The following ZNF704 variants were observed in gnomAD, a reference collection of about 807,000 sequenced individuals.
The protein encoded by ZNF704 is glucocorticoid induced gene 1.
A neutral mutation model predicts 44.7 loss-of-function variants in ZNF704; 10 were observed. The observed-to-expected ratio is 0.22, with a 90% CI of 0.14 to 0.38. The LOEUF (loss-of-function observed/expected upper bound fraction) is 0.38. Ranked by LOEUF, ZNF704 falls within the 10% of genes least tolerant of loss-of-function variation. ZNF704 has a pLI of 1.00. For missense variants in ZNF704, 390 were observed against 545.5 expected (o/e 0.71, Z 2.84); for synonymous variants, 211 against 207.6 (o/e 1.02, Z -0.14).
intron 2 of ZNF704, among the ~76,000 whole-genome samples, chr8:80,807,592 T>C (rs192857237): frequency 1.3e-3 from 198 of 152,260 alleles, no homozygotes; most frequent in African/African-American, 4.6e-3. Context: ...GTTCAATATA[T>C]GCGCTCGTTT....
At chr8:80,742,244 C>G (rs993284798) in intron 2 of ZNF704, among the ~76,000 whole-genome samples, 1 of 152,172 alleles carries the variant, frequency 6.6e-6, no homozygotes, top group Admixed American at 6.5e-5. Flanking sequence ...TAGAAGGACC[C>G]CTCTTATGGG....
At chr8:80,740,460 A>AT (rs1806738257) in intron 2 of ZNF704, among the ~76,000 whole-genome samples, 2 of 152,118 alleles carry the variant, frequency 1.3e-5, no homozygotes, top group African/African-American at 4.8e-5. Context: ...GACTCCAAAA[A>AT]ATTGTTAAGG....
At chr8:80,872,487 G>A (rs1809269780) in intron 1 of ZNF704, among the ~76,000 whole-genome samples, 1 of 152,114 alleles carries the variant, frequency 6.6e-6, no homozygotes, top group African/African-American at 2.4e-5. Flanking sequence ...AAGCTCAGCT[G>A]TTCATGAGTT....
At chr8:80,684,875 C>A (rs1818509796) in intron 4 of ZNF704, among the ~76,000 whole-genome samples, 1 of 152,116 alleles carries the variant, frequency 6.6e-6, no homozygotes, top group Non-Finnish European at 1.5e-5. Flanking sequence ...ATAGCATCAG[C>A]CTCACCTTCT....
chr8:80,654,857 G>T (rs1032428314), intron 7 of ZNF704, among the ~76,000 whole-genome samples: 43 of 152,200 alleles, frequency 2.8e-4, no homozygotes, highest in African/African-American at 9.2e-4. Context: ...ACCCAAAGGA[G>T]TATAAATCAT....
chr8:80,838,812 G>A (rs2129955586), intron 1 of ZNF704, among the ~76,000 whole-genome samples: 1 of 150,946 alleles, frequency 6.6e-6, no homozygotes, highest in South Asian at 2.1e-4. Flanking sequence ...GGAGGAGAAA[G>A]GGGAAAGGAA....
chr8:80,657,954 T>C (rs555338038), intron 7 of ZNF704, among the ~76,000 whole-genome samples: 1 of 152,270 alleles, frequency 6.6e-6, no homozygotes, highest in South Asian at 2.1e-4. Flanking sequence ...AGCAGAGTTT[T>C]AACATTCTAT....
At chr8:80,735,182 C>T (rs1393974018) in intron 2 of ZNF704, among the ~76,000 whole-genome samples, 1 of 152,168 alleles carries the variant, frequency 6.6e-6, no homozygotes. Flanking sequence ...GTCATGTCAC[C>T]ACTGTCCACA....
intron 2 of ZNF704, among the ~76,000 whole-genome samples, chr8:80,807,553 C>T (rs1345280259): frequency 6.6e-6 from 1 of 151,940 alleles, no homozygotes; most frequent in Non-Finnish European, 1.5e-5. Context: ...AAAAAGTTAA[C>T]AGTGAACCAA....
chr8:80,879,221 T>C (rs944384637), upstream of ZNF704, among the ~76,000 whole-genome samples: 2 of 145,492 alleles, frequency 1.4e-5, no homozygotes, highest in African/African-American at 5.1e-5. Context: ...CTAGTGTGTA[T>C]GTTAAGAAAT....
At chr8:80,710,612 T>C (rs74471311) in intron 2 of ZNF704, among the ~76,000 whole-genome samples, 7,767 of 152,242 alleles carry the variant, frequency 0.051, 251 homozygotes, top group Middle Eastern at 0.11. Flanking sequence ...GCCCCCAGGA[T>C]AGCATTTGTG....
At chr8:80,687,520 G>C in intron 3 of ZNF704, 62 bp from the exon 4 acceptor site, 1 of 1,276,912 alleles carries the variant, frequency 7.8e-7, no homozygotes, top group Non-Finnish European at 1.1e-6. Context: ...GGTTCAGTGG[G>C]GAAATGGGAG....
At chr8:80,741,241 C>G (rs542820875) in intron 2 of ZNF704, among the ~76,000 whole-genome samples, 2 of 152,196 alleles carry the variant, frequency 1.3e-5, no homozygotes, top group Non-Finnish European at 2.9e-5. Flanking sequence ...AAGATGGACA[C>G]CTGAAGCAGA....
chr8:80,839,278 T>A (rs969197788), intron 1 of ZNF704, among the ~76,000 whole-genome samples: 1 of 152,210 alleles, frequency 6.6e-6, no homozygotes, highest in African/African-American at 2.4e-5. Context: ...CAGAGCAGAT[T>A]AGAAGCAGAT....
chr8:80,765,953 T>C (rs927188460), intron 2 of ZNF704, among the ~76,000 whole-genome samples: 1 of 152,154 alleles, frequency 6.6e-6, no homozygotes. Flanking sequence ...TTCATTAGTG[T>C]AGTTTACTGC....
upstream of ZNF704, among the ~76,000 whole-genome samples, chr8:80,877,002 G>T (rs1809363878): frequency 6.7e-6 from 1 of 149,414 alleles, no homozygotes; most frequent in South Asian, 2.1e-4. Flanking sequence ...AGGAAATACA[G>T]AGTTAAATGA....
chr8:80,791,277 T>G (rs865837753), intron 2 of ZNF704, among the ~76,000 whole-genome samples: 2 of 152,210 alleles, frequency 1.3e-5, no homozygotes, highest in Admixed American at 6.5e-5. Context: ...TCTGCACTTG[T>G]GAGAGAAGAA....
intron 4 of ZNF704, among the ~76,000 whole-genome samples, chr8:80,676,617 T>C (rs1300182704): frequency 6.6e-6 from 1 of 152,066 alleles, no homozygotes; most frequent in Non-Finnish European, 1.5e-5. Context: ...AGAGGGAAGG[T>C]TGTGTATGAA....
At chr8:80,774,078 C>A (rs1292880502) in intron 2 of ZNF704, among the ~76,000 whole-genome samples, 1 of 149,792 alleles carries the variant, frequency 6.7e-6, no homozygotes, top group Non-Finnish European at 1.5e-5. Context: ...TACAGGGTCT[C>A]ACTCTGTTGC....
Sources: gnomAD v4.1 joint callset for allele counts (sites outside exome capture counted in the v4.1 genomes callset) on GRCh38, gnomAD v4.1.1 for gene constraint, MANE v1.5 for transcripts, NCBI Gene and HGNC (gene_info 2026-07-23, HGNC 2026-07-21) for gene names.